The following AUTS2 variants were observed in gnomAD, a reference collection of about 807,000 sequenced individuals.
AUTS2 encodes the protein activator of transcription and developmental regulator AUTS2.
Under a neutral mutation model 112.4 loss-of-function variants are expected in AUTS2, and 17 were observed. That is an observed-to-expected ratio of 0.15 (90% confidence interval 0.10 to 0.23). AUTS2 has a LOEUF of 0.23. AUTS2 is among the 10% of genes least tolerant of loss of function. The pLI, the probability that AUTS2 is intolerant of heterozygous loss-of-function variation, is 1.00. For missense variants in AUTS2, 1,510 were observed against 1,701.6 expected, an observed-to-expected ratio of 0.89 and a Z score of 1.98; for synonymous variants, 751 against 702.7, an observed-to-expected ratio of 1.07 and a Z score of -1.09.
chr7:70,684,599 T>C (rs1173837419), intron 5 of AUTS2, among the ~76,000 whole-genome samples: 2 of 142,314 alleles, frequency 1.4e-5, no homozygotes, highest in Non-Finnish European at 3.1e-5. Flanking sequence ...CATGTTGTGG[T>C]ATGGTGTGTG....
chr7:70,255,659 T>C (rs1021979997), intron 4 of AUTS2, among the ~76,000 whole-genome samples: 3 of 152,174 alleles, frequency 2.0e-5, no homozygotes, highest in Non-Finnish European at 4.4e-5. Flanking sequence ...CATTGTAGAA[T>C]ATGACTTTTT....
At position 70,258,904 on chromosome 7, in the gene AUTS2, G is replaced by A. The variant is rs147842714; in HGVS notation, c.660+124333G>A. On this transcript the variant is annotated intron_variant, in intron 4 of 18. Transcript: ENST00000342771. ...TGAAGCTGGCTTTCTGTTTGGCAAG[G>A]CAGCCCCAAAAGGAACCTTCATCCC... is the stretch of plus-strand genomic sequence containing the variant. Among the ~76,000 whole-genome samples the A allele has an allele frequency of 9.2e-3, 1,407 of 152,224 alleles. 10 individuals carry two copies. The highest frequency in any genetic ancestry group is 0.013 in the Non-Finnish European group (854 of 68,028).
chr7:69,712,181 A>T (rs1251309882), intron 1 of AUTS2, among the ~76,000 whole-genome samples: 1 of 152,190 alleles, frequency 6.6e-6, no homozygotes, highest in Non-Finnish European at 1.5e-5. Context: ...ATGAGCAGAC[A>T]TGGTGCCTTT....
intron 4 of AUTS2, among the ~76,000 whole-genome samples, chr7:70,335,892 A>G (rs1336732508): frequency 6.6e-6 from 1 of 152,202 alleles, no homozygotes; most frequent in Non-Finnish European, 1.5e-5. Flanking sequence ...GTATGTAGTT[A>G]TGGAAAACGC....
intron 1 of AUTS2, among the ~76,000 whole-genome samples, chr7:69,851,925 A>G (rs1487157856): frequency 2.0e-5 from 3 of 152,202 alleles, no homozygotes; most frequent in East Asian, 1.9e-4. Flanking sequence ...CATGTCATCT[A>G]TAAACAGGGA....
chr7:70,285,261 C>T (rs1303327894), intron 4 of AUTS2, among the ~76,000 whole-genome samples: 1 of 152,182 alleles, frequency 6.6e-6, no homozygotes, highest in African/African-American at 2.4e-5. Context: ...ACCGTAATGA[C>T]TGTGTAGTAG....
At chr7:70,642,938 C>T (rs559908684) in intron 5 of AUTS2, among the ~76,000 whole-genome samples, 111 of 152,362 alleles carry the variant, frequency 7.3e-4, no homozygotes, top group African/African-American at 2.5e-3. Flanking sequence ...TTCCACTTGC[C>T]AGGTGAAGGA....
intron 1 of AUTS2, among the ~76,000 whole-genome samples, chr7:69,603,847 A>G (rs1231594936): frequency 1.3e-5 from 2 of 152,228 alleles, no homozygotes; most frequent in Non-Finnish European, 2.9e-5. Flanking sequence ...TCCTACTACC[A>G]TCAGTGTGTC....
chr7:70,438,634 C>T (rs1269403624), intron 5 of AUTS2, among the ~76,000 whole-genome samples: 2 of 152,304 alleles, frequency 1.3e-5, no homozygotes, highest in African/African-American at 2.4e-5. Context: ...TGGTGTTTAT[C>T]GCCAACTTTA....
At chr7:70,674,995 C>A (rs1807835104) in intron 5 of AUTS2, among the ~76,000 whole-genome samples, 1 of 152,146 alleles carries the variant, frequency 6.6e-6, no homozygotes, top group Non-Finnish European at 1.5e-5. Context: ...CTTGATGCAC[C>A]TCCTGCACCC....
intron 2 of AUTS2, among the ~76,000 whole-genome samples, chr7:69,959,975 C>G (rs2129546850): frequency 6.6e-6 from 1 of 152,030 alleles, no homozygotes; most frequent in Middle Eastern, 3.4e-3. Flanking sequence ...AGCTCTAGGC[C>G]TATTTTTTTT....
intron 5 of AUTS2, among the ~76,000 whole-genome samples, chr7:70,628,322 AT>A (rs1435335741): frequency 6.9e-5 from 2 of 28,974 alleles, no homozygotes; most frequent in Non-Finnish European, 5.7e-5. Context: ...AACTATATAT[AT>A]ATATACATAT....
intron 5 of AUTS2, among the ~76,000 whole-genome samples, chr7:70,478,320 C>G (rs1222659529): frequency 6.6e-6 from 1 of 152,106 alleles, no homozygotes; most frequent in Non-Finnish European, 1.5e-5. Context: ...CTAATAGAGT[C>G]TTCATTCTGA....
rs1792061750 is a variant in AUTS2 at position 70,792,905 on chromosome 7, A to C, written c.*1909A>C. On this transcript the variant is annotated 3_prime_UTR_variant, in exon 19 of 19. Coordinates refer to ENST00000342771, the MANE Select transcript of AUTS2 (RefSeq NM_015570.4). ...TGCTTGTTTGTGTGAGGTGACCATCATTACCTTAGGGAAGAAGCCATACCT... is the reference window on the plus strand; with the variant it reads ...TGCTTGTTTGTGTGAGGTGACCATCCTTACCTTAGGGAAGAAGCCATACCT... 1 of 152,570 alleles carries C rather than the reference A, an allele frequency of 6.6e-6. No individual in the cohort carries two copies. The highest frequency in any genetic ancestry group is 6.5e-5 in the Admixed American group (1 of 15,272). The allele number at this position is 152,570 out of a possible 1,614,324, so 9.5% of individuals were successfully genotyped here.
intron 5 of AUTS2, among the ~76,000 whole-genome samples, chr7:70,688,414 A>G (rs1485533694): frequency 6.6e-6 from 1 of 152,228 alleles, no homozygotes; most frequent in Non-Finnish European, 1.5e-5. Flanking sequence ...CCAGACACAC[A>G]TCTGTTATTT....
intron 4 of AUTS2, among the ~76,000 whole-genome samples, chr7:70,410,981 A>G (rs987021804): frequency 6.6e-6 from 1 of 151,892 alleles, no homozygotes; most frequent in African/African-American, 2.4e-5. Context: ...TTCCTGCCTC[A>G]GCCTCCCAAG....
chr7:70,101,955 C>T (rs1049230003), intron 2 of AUTS2, among the ~76,000 whole-genome samples: 23 of 151,980 alleles, frequency 1.5e-4, no homozygotes, highest in South Asian at 6.2e-4. Context: ...AAAATATGTC[C>T]ACCTGGTTGC....
At chr7:70,102,021 C>T (rs558527803) in intron 2 of AUTS2, among the ~76,000 whole-genome samples, 1 of 151,890 alleles carries the variant, frequency 6.6e-6, no homozygotes, top group African/African-American at 2.4e-5. Context: ...CGTATTCGTT[C>T]AACCGTAACA....
chr7:70,588,202 C>G (rs1410166879), intron 5 of AUTS2, among the ~76,000 whole-genome samples: 1 of 152,180 alleles, frequency 6.6e-6, no homozygotes, highest in Non-Finnish European at 1.5e-5. Flanking sequence ...AGGATCTCTG[C>G]TCCTCTCTCG....
Sources: gnomAD v4.1 joint callset for allele counts (sites outside exome capture counted in the v4.1 genomes callset) on GRCh38, gnomAD v4.1.1 for gene constraint, MANE v1.5 for transcripts, NCBI Gene and HGNC (gene_info 2026-07-23, HGNC 2026-07-21) for gene names.